The following LRRC3B variants were observed in gnomAD, a reference collection of about 807,000 sequenced individuals.
The protein encoded by LRRC3B is leucine rich repeat containing 3B, also known as leucine-rich repeat-containing protein 3B.
Under a neutral mutation model 12.8 loss-of-function variants are expected in LRRC3B, and 2 were observed. That is an observed-to-expected ratio of 0.16 (90% CI 0.06 to 0.49). The LOEUF is 0.49. LRRC3B is among the 20% of genes least tolerant of loss of function. LRRC3B has a pLI of 0.96. For synonymous variants in LRRC3B, 132 were observed against 122.0 expected (o/e 1.08, Z -0.54); for missense variants, 189 against 319.4 (o/e 0.59, Z 3.11).
At chr3:26,626,850 A>G (rs944131136) in intron 1 of LRRC3B, among the ~76,000 whole-genome samples, 3 of 152,200 alleles carry the variant, frequency 2.0e-5, no homozygotes, top group Non-Finnish European at 4.4e-5. Flanking sequence ...ATTTCTAATG[A>G]TTTTAGCAGT....
intron 1 of LRRC3B, among the ~76,000 whole-genome samples, chr3:26,658,638 C>T (rs745863990): frequency 3.1e-4 from 47 of 152,202 alleles, no homozygotes; most frequent in Non-Finnish European, 6.0e-4. Context: ...ATGATGTGCT[C>T]TCTTTGACAA....
At chr3:26,654,999 A>C (rs1027065148) in intron 1 of LRRC3B, among the ~76,000 whole-genome samples, 9 of 152,104 alleles carry the variant, frequency 5.9e-5, no homozygotes, top group Admixed American at 3.3e-4. Context: ...TTTTACTTAA[A>C]TATATTTATA....
intron 1 of LRRC3B, among the ~76,000 whole-genome samples, chr3:26,655,213 C>T (rs1396272923): frequency 6.6e-6 from 1 of 152,004 alleles, no homozygotes; most frequent in Non-Finnish European, 1.5e-5. Flanking sequence ...GTGAATTAAA[C>T]AGTGAAGAAT....
chr3:26,667,917 TA>T (rs1699641572), intron 1 of LRRC3B, among the ~76,000 whole-genome samples: 2 of 151,928 alleles, frequency 1.3e-5, no homozygotes, highest in African/African-American at 4.8e-5. Flanking sequence ...AACTTTATTT[TA>T]TTTTATTTTT....
At chr3:26,685,676 A>G (rs962071513) in intron 1 of LRRC3B, among the ~76,000 whole-genome samples, 2 of 142,948 alleles carry the variant, frequency 1.4e-5, no homozygotes, top group African/African-American at 2.7e-5. Context: ...CTATTTTATG[A>G]CTATACCTTA....
chr3:26,685,486 CCTCTCTCTCTCTCTCTCT>C (rs61229084), intron 1 of LRRC3B, among the ~76,000 whole-genome samples: 5 of 49,572 alleles, frequency 1.0e-4, no homozygotes, highest in Non-Finnish European at 1.7e-4. Context: ...AGACTCTCTC[CCTCTCTCTCTCTCTCTCT>C]CTCTCTCTCT....
intron 1 of LRRC3B, among the ~76,000 whole-genome samples, chr3:26,691,683 G>A (rs2125449846): frequency 6.6e-6 from 1 of 152,264 alleles, no homozygotes; most frequent in Admixed American, 6.5e-5. Context: ...GGATTGTTGG[G>A]GGACCAATGG....
intron 1 of LRRC3B, among the ~76,000 whole-genome samples, chr3:26,626,570 A>C (rs1049808751): frequency 1.3e-5 from 2 of 152,190 alleles, no homozygotes; most frequent in Non-Finnish European, 2.9e-5. Flanking sequence ...ATTATACATA[A>C]ATAAATTATG....
At chr3:26,646,589 G>A (rs1254013207) in intron 1 of LRRC3B, among the ~76,000 whole-genome samples, 3 of 104,762 alleles carry the variant, frequency 2.9e-5, no homozygotes, top group African/African-American at 7.0e-5. Context: ...GGCCACTAAG[G>A]ATAGGAGGTA....
At position 26,665,258 on chromosome 3, in the gene LRRC3B, G is replaced by A. The variant is rs563550997; in HGVS notation, c.-161+42021G>A. Among the ~76,000 whole-genome samples the A allele has an allele frequency of 1.1e-3, 161 of 152,048 alleles. 1 individual carries two copies. The highest frequency in any genetic ancestry group is 2.1e-3 in the Non-Finnish European group (144 of 67,996). On this transcript the variant is annotated intron_variant, in intron 1 of 1. Transcript: ENST00000396641. ...TCTGTGGCCTCATTTCTAATTCAAGGCCAGATCCCAGTTTGAAAGACTGGC... is the reference window on the plus strand; with the variant it reads ...TCTGTGGCCTCATTTCTAATTCAAGACCAGATCCCAGTTTGAAAGACTGGC...
chr3:26,701,884 T>G (rs1283060618), intron 1 of LRRC3B, among the ~76,000 whole-genome samples: 1 of 152,172 alleles, frequency 6.6e-6, no homozygotes, highest in African/African-American at 2.4e-5. Context: ...AAAAGTTATA[T>G]GGTAACTAAC....
intron 1 of LRRC3B, among the ~76,000 whole-genome samples, chr3:26,707,710 C>T (rs1277797288): frequency 2.0e-5 from 3 of 152,156 alleles, no homozygotes; most frequent in African/African-American, 4.8e-5. Context: ...TTTTCTCATG[C>T]CCTTTTCCTA....
intron 1 of LRRC3B, among the ~76,000 whole-genome samples, chr3:26,693,286 G>A (rs1409685643): frequency 3.6e-5 from 5 of 137,658 alleles, no homozygotes; most frequent in African/African-American, 1.4e-4. Flanking sequence ...TCGAGATCGC[G>A]CCACTGCACT....
chr3:26,685,486 C>CCTCCCTCTCTCTCTCT (rs1277835964), intron 1 of LRRC3B, among the ~76,000 whole-genome samples: 1 of 49,572 alleles, frequency 2.0e-5, no homozygotes, highest in African/African-American at 9.3e-5. Flanking sequence ...AGACTCTCTC[C>CCTCCCTCTCTCTCTCT]CTCTCTCTCT....
intron 1 of LRRC3B, among the ~76,000 whole-genome samples, chr3:26,682,501 GTAGT>G (rs1699991886): frequency 6.6e-6 from 1 of 152,118 alleles, no homozygotes; most frequent in Non-Finnish European, 1.5e-5. Flanking sequence ...CTGAATAACT[GTAGT>G]TATTCATAAC....
intron 1 of LRRC3B, among the ~76,000 whole-genome samples, chr3:26,686,958 T>C (rs1700100830): frequency 2.0e-5 from 3 of 152,170 alleles, no homozygotes; most frequent in Non-Finnish European, 4.4e-5. Flanking sequence ...GAAGGCAAAG[T>C]GTCTCTCTGC....
At chr3:26,636,894 CT>C (rs1559350177) in intron 1 of LRRC3B, among the ~76,000 whole-genome samples, 2,244 of 107,818 alleles carry the variant, frequency 0.021, 116 homozygotes, top group Non-Finnish European at 0.028. Context: ...TCCTTTCTCT[CT>C]CTCTCTCTTT....
chr3:26,632,009 A>G (rs1698766848), intron 1 of LRRC3B, among the ~76,000 whole-genome samples: 1 of 152,220 alleles, frequency 6.6e-6, no homozygotes, highest in African/African-American at 2.4e-5. Context: ...CAGCCCTTAT[A>G]TGTTACAGAT....
chr3:26,678,221 C>G (rs1427418532), intron 1 of LRRC3B, among the ~76,000 whole-genome samples: 1 of 151,542 alleles, frequency 6.6e-6, no homozygotes, highest in Non-Finnish European at 1.5e-5. Flanking sequence ...TCACTGGGTG[C>G]GGTGGATCAT....
Sources: allele counts gnomAD v4.1 joint callset (sites outside exome capture counted in the v4.1 genomes callset), GRCh38; gene constraint gnomAD v4.1.1; transcripts MANE v1.5; gene names NCBI Gene and HGNC (gene_info 2026-07-23, HGNC 2026-07-21).